CACNA1F: variants seen among roughly 807,000 people sequenced by gnomAD.
The protein encoded by CACNA1F is voltage-dependent L-type calcium channel subunit alpha-1F.
Under a neutral mutation model 143.8 loss-of-function variants are expected in CACNA1F, and 59 were observed. That is an observed-to-expected ratio of 0.41 (90% CI 0.33 to 0.51). CACNA1F has a LOEUF of 0.51. Among genes scored for constraint, CACNA1F ranks in the 20% least tolerant of loss-of-function variants. The pLI is 0.22. For missense variants in CACNA1F, 1,411 were observed against 1,647.5 expected (o/e 0.86, Z 2.48); for synonymous variants, 643 against 649.1 (o/e 0.99, Z 0.14).
At position 49,208,553 on chromosome X, in the gene CACNA1F, A is replaced by G; in HGVS notation, c.5085T>C (p.Ser1695=). 8.3e-7 allele frequency: 1 copy of G among 1,210,415 alleles called. No individual in the cohort carries two copies. Among genetic ancestry groups the G allele is most frequent in the Non-Finnish European group, 1.1e-6 (1 of 894,775 alleles). Residue 1695 remains serine, a synonymous_variant, in exon 43 of 48, where the codon AGT becomes AGC. Coordinates refer to ENST00000323022, the MANE Select transcript of CACNA1F (RefSeq NM_001256789.3). The stretch of plus-strand genomic sequence containing the variant: ...ATCCAGCCTGGGGCACACTGGGCTG[A>G]CTGGAGGTGGGAGTCCCCCTGTCAT... ...SDDDRGTPTS[S]QPSVPQAGSN...
rs782263474 is a variant in CACNA1F at position 49,231,705 on chromosome X, C to T, written c.248G>A (p.Arg83Gln). 9.9e-6 allele frequency: 12 copies of T among 1,211,980 alleles called. No individual in the cohort carries two copies. Among genetic ancestry groups the T allele is most frequent in the Admixed American group, 2.2e-5 (1 of 46,056 alleles). ...CCACTCCACGATGCTGATGCAGGACCGTCGCAGAGGATTGGCCAGGGTGAG... is the reference window on the plus strand; with the variant it reads ...CCACTCCACGATGCTGATGCAGGACTGTCGCAGAGGATTGGCCAGGGTGAG... ...FCLTLANPLR[R>Q]SCISIVEWKP... Residue 83 changes from arginine to glutamine, a missense_variant, in exon 2 of 48, where the codon CGG (arginine) becomes CAG (glutamine). By Grantham distance (43) the Arg-to-Gln change is conservative. Coordinates refer to ENST00000323022, the MANE Select transcript of CACNA1F (RefSeq NM_001256789.3).
At chrX:49,214,741 A>G (rs1557106993) in intron 29 of CACNA1F, among the ~76,000 whole-genome samples, 1 of 111,983 alleles carries the variant, frequency 8.9e-6, no homozygotes, top group African/African-American at 3.2e-5. Flanking sequence ...GCACTTCTCA[A>G]TACATGAGGT....
At chrX:49,226,843 G>A (rs1258531965) in intron 9 of CACNA1F, 127 bp downstream of exon 9, 1 of 1,032,522 alleles carries the variant, frequency 9.7e-7, no homozygotes, top group Non-Finnish European at 1.3e-6. Context: ...TGGGGGCTGG[G>A]GCTAGAGTTG....
In CACNA1F at chrX:49,219,674, G is replaced by A; in HGVS notation, c.2503C>T (p.Pro835Ser). Reference protein sequence around the residue: ...VVPKEKVVPIPEGSAFFCLSQ... With the variant: ...VVPKEKVVPISEGSAFFCLSQ... ...AGGCAGAAGAAGGCGCTGCCCTCAG[G>A]GATGGGTACCACCTTCTCCTTGGGT... Residue 835 changes from proline to serine, a missense_variant, in exon 20 of 48, where the codon CCT (proline) becomes TCT (serine). Pro to Ser is a moderately conservative substitution (Grantham distance 74, BLOSUM62 -1). This residue lies in a region of CACNA1F where 950 missense variants were observed against 1,128.1 expected (regional missense o/e 0.84). Transcript: ENST00000323022. 1 of 1,205,349 alleles carries A rather than the reference G, an allele frequency of 8.3e-7. No individual in the cohort carries two copies. Among genetic ancestry groups the A allele is most frequent in the South Asian group, 1.8e-5 (1 of 55,766 alleles).
At position 49,207,093 on chromosome X, in the gene CACNA1F, T is replaced by C; in HGVS notation, c.5143A>G (p.Ile1715Val). The C allele has an allele frequency of 8.4e-7, 1 of 1,190,205 alleles. No individual in the cohort carries two copies. The highest frequency in any genetic ancestry group is 1.1e-6 in the Non-Finnish European group (1 of 881,127). ...TTTCCTTCTTCTGGGATGGTGAAAA[T>C]GAGAGCCCCAGAGCCTCTCCTGGGG... is the stretch of plus-strand genomic sequence containing the variant. ...NTHRRGSGAL[I>V]FTIPEEGNSQ... The change falls in exon 44 of 48, where the codon ATT becomes GTT. Residue 1715 changes from isoleucine (I) to valine (V), a missense_variant. Ile to Val is a conservative substitution (Grantham distance 29). Coordinates refer to ENST00000323022, the MANE Select transcript of CACNA1F (RefSeq NM_001256789.3).
At position 49,209,244 on chromosome X, in the gene CACNA1F, G is replaced by T. The variant is rs1557105633; in HGVS notation, c.4953+18C>A. 8.3e-7 allele frequency: 1 copy of T among 1,201,657 alleles called. No individual in the cohort carries two copies. Among genetic ancestry groups the T allele is most frequent in the African/African-American group, 1.8e-5 (1 of 57,073 alleles). On this transcript the variant is annotated intron_variant, in intron 42 of 47. Coordinates refer to ENST00000323022, the MANE Select transcript of CACNA1F (RefSeq NM_001256789.3). ...ATTTTACAATCAAGTTCCTGGGAGA[G>T]TGAAAACTTGTCCCCACTTTGTTAG...
intron 11 of CACNA1F, 53 bp downstream of exon 11, chrX:49,226,356 G>C (rs370679486): frequency 8.7e-7 from 1 of 1,146,267 alleles, no homozygotes; most frequent in Non-Finnish European, 1.2e-6. Context: ...GAAAGGACTT[G>C]AGTCAGGGTT....
chrX:49,208,429 CT>C, intron 43 of CACNA1F, 85 bp downstream of exon 43: 1 of 597,035 alleles, frequency 1.7e-6, no homozygotes, highest in East Asian at 4.0e-5. Flanking sequence ...TCCCACCCCC[CT>C]CAACTTCCTG....
chrX:49,222,076 G>T (rs1557108858), intron 17 of CACNA1F, among the ~76,000 whole-genome samples: 1 of 110,536 alleles, frequency 9.0e-6, no homozygotes, highest in Non-Finnish European at 1.9e-5. Context: ...CCAGATATTT[G>T]CATGGCTCAC....
chrX:49,225,878 G>C, intron 13 of CACNA1F, 31 bp downstream of exon 13: 1 of 1,160,660 alleles, frequency 8.6e-7, no homozygotes, highest in Admixed American at 2.6e-5. Context: ...ATAGGAGGCT[G>C]GGGGAGACGA....
At chrX:49,226,103 C>A (rs1203766478) in intron 12 of CACNA1F, 34 bp from the exon 13 acceptor site, 2 of 1,182,792 alleles carry the variant, frequency 1.7e-6, no homozygotes, top group African/African-American at 1.8e-5. Flanking sequence ...CTGAGATCAC[C>A]TACCTAAGCC....
chrX:49,215,317 T>C (rs781833334), intron 28 of CACNA1F, 25 bp downstream of exon 28: 3 of 1,204,027 alleles, frequency 2.5e-6, no homozygotes, highest in Middle Eastern at 2.3e-4. Flanking sequence ...TGACCATCCA[T>C]AGGGGGTCAG....
chrX:49,212,855 C>G, intron 32 of CACNA1F, 60 bp from the exon 33 acceptor site: 1 of 1,192,389 alleles, frequency 8.4e-7, no homozygotes, highest in Non-Finnish European at 1.1e-6. Flanking sequence ...ATCTCCCTAT[C>G]TCATGCTTTG....
chrX:49,213,764 A>G, intron 31 of CACNA1F, 55 bp downstream of exon 31: 1 of 845,801 alleles, frequency 1.2e-6, no homozygotes. Flanking sequence ...CCCGGGATAG[A>G]GGTGAGGGAA....
chrX:49,225,154 T>G (rs1602648634), intron 13 of CACNA1F, among the ~76,000 whole-genome samples, 168 bp from the exon 14 acceptor site: 1 of 101,025 alleles, frequency 9.9e-6, no homozygotes, highest in African/African-American at 3.7e-5. Flanking sequence ...TCAGAGTAGG[T>G]GAAGTTTTGA....
intron 17 of CACNA1F, among the ~76,000 whole-genome samples, chrX:49,221,751 G>A (rs1557108803): frequency 9.4e-6 from 1 of 106,747 alleles, no homozygotes; most frequent in Non-Finnish European, 1.9e-5. Context: ...AGGCTGAGGC[G>A]GGTGGATCAC....
Position 49,205,192 on chromosome X carries a change from G to A in CACNA1F, c.5846C>T (p.Ser1949Phe), listed in dbSNP as rs373041656. ...TCCCAAGTCCTCCTCATCGAAGCGG[G>A]AGAGGATGGACTCCTCGTCGCTATA... Reference protein sequence around the residue: ...SLYSDEESILSRFDEEDLGDE... With the variant: ...SLYSDEESILFRFDEEDLGDE... The change falls in exon 48 of 48, where the codon TCC becomes TTC. Residue 1949 changes from serine (S) to phenylalanine (F), a missense_variant. Ser to Phe is a radical substitution (Grantham distance 155). Coordinates refer to ENST00000323022, the MANE Select transcript of CACNA1F (RefSeq NM_001256789.3). The A allele has an allele frequency of 9.8e-5, 119 of 1,209,412 alleles. No homozygotes were observed. The highest frequency in any genetic ancestry group is 1.7e-5 in the African/African-American group (1 of 57,243).
In CACNA1F at chrX:49,231,869, C is replaced by A. The variant is rs1557111467; in HGVS notation, c.84G>T (p.Leu28=). The change falls in exon 2 of 48, where the codon CTG becomes CTT. Residue 28 remains leucine, a synonymous_variant. Transcript: ENST00000323022. ...NGAGPGPEWG[L]CPGPPAVEGE... ...CTTCCACAGCTGGGGGCCCGGGGCA[C>A]AGCCCCCATTCGGGACCAGGGCCTG... 1.7e-6 allele frequency: 2 copies of A among 1,184,143 alleles called. No homozygotes were observed. Among genetic ancestry groups the A allele is most frequent in the Admixed American group, 2.4e-5 (1 of 41,033 alleles).
At chrX:49,225,875 G>A in intron 13 of CACNA1F, 34 bp downstream of exon 13, 1 of 1,160,000 alleles carries the variant, frequency 8.6e-7, no homozygotes, top group East Asian at 3.3e-5. Context: ...GGAATAGGAG[G>A]CTGGGGGAGA....
Sources: gnomAD v4.1 joint callset for allele counts (sites outside exome capture counted in the v4.1 genomes callset) on GRCh38, gnomAD v4.1.1 for gene constraint, gnomAD v4.1.1 regional missense constraint, MANE v1.5 for transcripts, NCBI Gene and HGNC (gene_info 2026-07-23, HGNC 2026-07-21) for gene names.